Variants in GRM3 observed in about 807,000 individuals in gnomAD.
GRM3 encodes metabotropic glutamate receptor 3.
GRM3 carries 26 observed loss-of-function variants against 70.5 expected under a neutral mutation model. The observed-to-expected ratio is 0.37, with a 90% CI of 0.27 to 0.51. The LOEUF (loss-of-function observed/expected upper bound fraction) is 0.51. GRM3 is among the 20% of genes least tolerant of loss of function. The pLI, the probability that GRM3 is intolerant of heterozygous loss-of-function variation, is 0.93. For missense variants in GRM3, 859 were observed against 1,123.8 expected (o/e 0.76, Z 3.37); for synonymous variants, 443 against 434.9 (o/e 1.02, Z -0.23).
rs575617555 is a variant in GRM3, at chr7:86,730,876, C to T, written c.-140-34130C>T. On this transcript the variant is annotated intron_variant, in intron 1 of 5. Transcript: ENST00000361669. The stretch of plus-strand genomic sequence containing the variant: ...GGCCTTTTCTCTGCCCTCATTTTCA[C>T]GGAATCTGCTAAGACAATTTAATAG... Among the ~76,000 whole-genome samples the T allele has an allele frequency of 4.6e-5, 7 of 152,306 alleles. No homozygotes were observed. In the East Asian group the frequency reaches 7.7e-4, roughly 17 times the overall value.
At chr7:86,806,701 T>A (rs534454719) in intron 3 of GRM3, among the ~76,000 whole-genome samples, 3 of 152,348 alleles carry the variant, frequency 2.0e-5, no homozygotes, top group African/African-American at 7.2e-5. Context: ...AGGTTGCCTG[T>A]TCACTCTGAT....
At chr7:86,701,765 AG>A (rs1794951094) in intron 1 of GRM3, among the ~76,000 whole-genome samples, 1 of 151,916 alleles carries the variant, frequency 6.6e-6, no homozygotes, top group Non-Finnish European at 1.5e-5. Flanking sequence ...GGCTTTTTTG[AG>A]GGTATATAGG....
chr7:86,727,836 G>A (rs1795626590), intron 1 of GRM3, among the ~76,000 whole-genome samples: 3 of 152,060 alleles, frequency 2.0e-5, no homozygotes, highest in African/African-American at 7.3e-5. Flanking sequence ...ACACAAACTT[G>A]TAATGGAACA....
chr7:86,805,228 G>A (rs1797764600), intron 3 of GRM3, among the ~76,000 whole-genome samples: 1 of 152,202 alleles, frequency 6.6e-6, no homozygotes, highest in African/African-American at 2.4e-5. Flanking sequence ...GAAAATTTAT[G>A]TGTTGTTCAA....
chr7:86,724,472 G>C (rs1346259344), intron 1 of GRM3, among the ~76,000 whole-genome samples: 1 of 152,048 alleles, frequency 6.6e-6, no homozygotes, highest in Non-Finnish European at 1.5e-5. Context: ...TTGCAGAGTT[G>C]TTTTCCTAGG....
At chr7:86,702,653 C>T (rs1201114103) in intron 1 of GRM3, among the ~76,000 whole-genome samples, 1 of 151,936 alleles carries the variant, frequency 6.6e-6, no homozygotes, top group East Asian at 1.9e-4. Flanking sequence ...CTTCTTTACA[C>T]TGCAAATGAA....
At chr7:86,684,863 G>T (rs1379611209) in intron 1 of GRM3, among the ~76,000 whole-genome samples, 3 of 152,140 alleles carry the variant, frequency 2.0e-5, no homozygotes, top group Non-Finnish European at 4.4e-5. Flanking sequence ...CAATTTATTA[G>T]ACCTCCCTGT....
intron 1 of GRM3, among the ~76,000 whole-genome samples, chr7:86,710,476 T>G (rs1263642022): frequency 6.7e-6 from 1 of 149,336 alleles, no homozygotes; most frequent in Non-Finnish European, 1.5e-5. Context: ...AAAAAAAAAC[T>G]TGTATAAAAT....
chr7:86,656,909 G>A (rs941722027), intron 1 of GRM3, among the ~76,000 whole-genome samples: 4 of 152,108 alleles, frequency 2.6e-5, no homozygotes, highest in South Asian at 4.1e-4. Flanking sequence ...AGCTCCCAAC[G>A]AATAAAGATC....
intron 3 of GRM3, among the ~76,000 whole-genome samples, chr7:86,796,045 G>A (rs1797541389): frequency 6.6e-6 from 1 of 152,182 alleles, no homozygotes; most frequent in South Asian, 2.1e-4. Context: ...CTCTTTTGCT[G>A]TGCAGAATCT....
chr7:86,862,842 T>C (rs1007877731), intron 5 of GRM3, among the ~76,000 whole-genome samples: 1 of 152,108 alleles, frequency 6.6e-6, no homozygotes, highest in African/African-American at 2.4e-5. Context: ...TTAAGGAAAT[T>C]AATAGGAATT....
chr7:86,703,229 C>T (rs530242233), intron 1 of GRM3, among the ~76,000 whole-genome samples: 1 of 151,864 alleles, frequency 6.6e-6, no homozygotes, highest in Admixed American at 6.6e-5. Flanking sequence ...AAGCACAAAT[C>T]CTAGAGACAG....
chr7:86,783,653 G>GGA (rs1256818813), intron 2 of GRM3, among the ~76,000 whole-genome samples: 2 of 152,088 alleles, frequency 1.3e-5, no homozygotes, highest in African/African-American at 4.8e-5. Context: ...GAAAGAGAAA[G>GGA]GAGAGAGACT....
chr7:86,829,515 ATTCT>A (rs1798307865), intron 3 of GRM3, among the ~76,000 whole-genome samples: 1 of 152,148 alleles, frequency 6.6e-6, no homozygotes, highest in African/African-American at 2.4e-5. Context: ...ACTTTAAGTG[ATTCT>A]TTCTTTCACT....
At chr7:86,807,372 C>T (rs1797814952) in intron 3 of GRM3, among the ~76,000 whole-genome samples, 1 of 139,546 alleles carries the variant, frequency 7.2e-6, no homozygotes, top group Non-Finnish European at 1.5e-5. Flanking sequence ...TCTTCCTATC[C>T]ATGAGCATGG....
intron 3 of GRM3, among the ~76,000 whole-genome samples, chr7:86,788,728 G>T (rs531763715): frequency 6.6e-6 from 1 of 152,060 alleles, no homozygotes; most frequent in Non-Finnish European, 1.5e-5. Context: ...TTCGTAAAAG[G>T]TATCTGCAAT....
At chr7:86,713,970 A>G (rs1040258634) in intron 1 of GRM3, among the ~76,000 whole-genome samples, 1 of 151,940 alleles carries the variant, frequency 6.6e-6, no homozygotes, top group East Asian at 1.9e-4. Context: ...TGACAGGGAC[A>G]CTAAGGCAGG....
intron 1 of GRM3, among the ~76,000 whole-genome samples, chr7:86,661,815 C>A (rs1364432379): frequency 1.3e-5 from 2 of 151,826 alleles, no homozygotes; most frequent in Non-Finnish European, 2.9e-5. Flanking sequence ...ATCAATAAGT[C>A]AAACAAGGCT....
At position 86,644,529 on chromosome 7, in the gene GRM3, T is replaced by TC. The variant is rs367994367; in HGVS notation, c.-480dup. The TC allele has an allele frequency of 1.9e-4, 70 of 368,590 alleles. No individual in the cohort carries two copies. The East Asian group carries it at 4.9e-3, about 26-fold the overall frequency. 22.8% of individuals were successfully genotyped at this position (368,590 alleles called of 1,614,324 possible). A position where few individuals can be genotyped will look rare whatever the true frequency, so the allele number is the denominator to read the frequency against. ...CTCCCCTCCGCGGAAGACCACTGGG[T>TC]CCCCTCTTTCCCCAACCTCCTCCCT... is the stretch of plus-strand genomic sequence containing the variant. On this transcript the variant is annotated 5_prime_UTR_variant, in exon 1 of 6. Transcript: ENST00000361669.
Sources: gnomAD v4.1 joint callset for allele counts (sites outside exome capture counted in the v4.1 genomes callset) on GRCh38, gnomAD v4.1.1 for gene constraint, MANE v1.5 for transcripts, NCBI Gene and HGNC (gene_info 2026-07-23, HGNC 2026-07-21) for gene names.